ANK3: variants seen among roughly 807,000 people sequenced by gnomAD.
The protein encoded by ANK3 is ankyrin 3.
ANK3 carries 57 observed loss-of-function variants against 370.9 expected under a neutral mutation model. The observed-to-expected ratio is 0.15, with a 90% CI of 0.12 to 0.19. The LOEUF (loss-of-function observed/expected upper bound fraction) is 0.19, where lower values mean the gene tolerates loss of function less well. ANK3 is among the 10% of genes least tolerant of loss of function. The pLI, the probability that ANK3 is intolerant of heterozygous loss-of-function variation, is 1.00. For synonymous variants in ANK3, 1,929 were observed against 1,946.3 expected, an observed-to-expected ratio of 0.99 and a Z score of 0.23; for missense variants, 4,439 against 5,302.1, an observed-to-expected ratio of 0.84 and a Z score of 5.06.
chr10:60,627,108 A>G (rs1327093841), intron 1 of ANK3, among the ~76,000 whole-genome samples: 1 of 152,186 alleles, frequency 6.6e-6, no homozygotes, highest in Non-Finnish European at 1.5e-5. Flanking sequence ...TAAAAGGTTC[A>G]TTCAATCCAG....
intron 2 of ANK3, among the ~76,000 whole-genome samples, chr10:60,535,090 CT>C (rs2076693044): frequency 6.6e-6 from 1 of 152,152 alleles, no homozygotes; most frequent in South Asian, 2.1e-4. Flanking sequence ...ACATGTTTTT[CT>C]TTTTGTGAAA....
intron 2 of ANK3, among the ~76,000 whole-genome samples, chr10:60,597,969 T>A (rs1042889728): frequency 6.6e-6 from 1 of 152,196 alleles, no homozygotes; most frequent in African/African-American, 2.4e-5. Context: ...ATAAAATAGC[T>A]CTAATACTTT....
chr10:60,423,873 C>T (rs10430491), intron 2 of ANK3, among the ~76,000 whole-genome samples: 1 of 152,178 alleles, frequency 6.6e-6, no homozygotes, highest in East Asian at 1.9e-4. Context: ...ACGCTGGTTG[C>T]AAACAACTCT....
intron 8 of ANK3, among the ~76,000 whole-genome samples, chr10:60,231,822 T>C (rs1448849743): frequency 1.3e-5 from 2 of 152,108 alleles, no homozygotes; most frequent in Non-Finnish European, 2.9e-5. Flanking sequence ...CAGAAGAAAA[T>C]GTCAGGCTTT....
intron 2 of ANK3, among the ~76,000 whole-genome samples, chr10:60,555,478 A>C (rs974309563): frequency 4.6e-5 from 7 of 151,972 alleles, no homozygotes; most frequent in Non-Finnish European, 1.0e-4. Context: ...GTCTCCAAAA[A>C]TTAAAAATGA....
chr10:60,426,331 T>C (rs2063886645), intron 2 of ANK3, among the ~76,000 whole-genome samples: 1 of 152,124 alleles, frequency 6.6e-6, no homozygotes. Context: ...AGCTGCCATG[T>C]CCCTAAATTT....
chr10:60,427,281 G>A (rs960904922), intron 2 of ANK3, among the ~76,000 whole-genome samples: 22 of 152,116 alleles, frequency 1.4e-4, no homozygotes, highest in African/African-American at 5.1e-4. Flanking sequence ...GGTACTGAGA[G>A]AAAGAGAAAG....
chr10:60,039,298 G>A (rs2075690428), intron 43 of ANK3, among the ~76,000 whole-genome samples: 6 of 152,324 alleles, frequency 3.9e-5, no homozygotes, highest in Admixed American at 3.3e-4. Context: ...TTTTCCTAGA[G>A]GAGGTTTAGA....
At chr10:60,383,250 C>G (rs958176110) in intron 1 of ANK3, among the ~76,000 whole-genome samples, 5 of 152,166 alleles carry the variant, frequency 3.3e-5, no homozygotes, top group African/African-American at 1.2e-4. Flanking sequence ...GTTCATTTGT[C>G]TGTACATTCT....
chr10:60,250,645 A>C (rs10994282), intron 7 of ANK3, among the ~76,000 whole-genome samples: 1 of 152,182 alleles, frequency 6.6e-6, no homozygotes, highest in East Asian at 1.9e-4. Context: ...GATTACGGGC[A>C]TGAGCCACCG....
At chr10:60,352,261 A>T (rs954241508) in intron 1 of ANK3, among the ~76,000 whole-genome samples, 104 of 152,240 alleles carry the variant, frequency 6.8e-4, no homozygotes, top group African/African-American at 2.4e-3. Flanking sequence ...ACGCCACTGT[A>T]CTCCATCCAG....
intron 2 of ANK3, among the ~76,000 whole-genome samples, chr10:60,422,254 G>A (rs1567027310): frequency 6.6e-6 from 1 of 152,088 alleles, no homozygotes; most frequent in Non-Finnish European, 1.5e-5. Flanking sequence ...AAAGCCACAA[G>A]GAACAAAAAT....
chr10:60,172,638 GAAACCAACACAATTTTTTTT>G (rs2095823113), intron 20 of ANK3, among the ~76,000 whole-genome samples: 2 of 152,170 alleles, frequency 1.3e-5, no homozygotes, highest in Admixed American at 1.3e-4. Context: ...AGCAATCAAT[GAAACCAACACAATTTTTTTT>G]TCTTACATGT....
chr10:60,303,700 A>G (rs1458797047), intron 1 of ANK3, among the ~76,000 whole-genome samples: 1 of 152,188 alleles, frequency 6.6e-6, no homozygotes, highest in Non-Finnish European at 1.5e-5. Context: ...AAAAATTAAA[A>G]ACAGAACTAC....
chr10:60,266,099 C>A (rs1314408941), intron 5 of ANK3, among the ~76,000 whole-genome samples: 1 of 152,076 alleles, frequency 6.6e-6, no homozygotes, highest in South Asian at 2.1e-4. Context: ...ACCAAAACAA[C>A]TAGAAGGTTA....
intron 1 of ANK3, among the ~76,000 whole-genome samples, chr10:60,697,390 T>A (rs2133412529): frequency 6.6e-6 from 1 of 151,100 alleles, no homozygotes; most frequent in East Asian, 2.0e-4. Flanking sequence ...CTTCACAGAA[T>A]TGGAAAAAAC....
In ANK3 at chr10:60,721,246, G is replaced by T. The variant is rs548499992; in HGVS notation, c.57+12017C>A. ...AAGACCATGAAAGTTGCCCAGAAGA[G>T]GAGTACTTGAGCTTGTCTTGAAGGA... On this transcript the variant is annotated intron_variant, in intron 1 of 43. Coordinates refer to the ANK3 transcript ENST00000373827. Among the ~76,000 whole-genome samples, 310 of 152,284 alleles carry T rather than the reference G, an allele frequency of 2.0e-3. 1 individual carries two copies. The highest frequency in any genetic ancestry group is 3.7e-3 in the Non-Finnish European group (254 of 68,026).
At chr10:60,648,158 C>CTCT (rs2078736000) in intron 1 of ANK3, among the ~76,000 whole-genome samples, 1 of 101,582 alleles carries the variant, frequency 9.8e-6, no homozygotes, top group African/African-American at 3.9e-5. Flanking sequence ...TTTTTTTTTC[C>CTCT]TTTTTTTTTT....
At chr10:60,133,686 C>T (rs192327762) in intron 25 of ANK3, among the ~76,000 whole-genome samples, 331 of 152,198 alleles carry the variant, frequency 2.2e-3, no homozygotes, top group Non-Finnish European at 3.4e-3. Context: ...TTTGGGAGGC[C>T]GAGGCAGGTG....
Sources: gnomAD v4.1 joint callset for allele counts (sites outside exome capture counted in the v4.1 genomes callset) on GRCh38, gnomAD v4.1.1 for gene constraint, MANE v1.5 for transcripts, NCBI Gene and HGNC (gene_info 2026-07-23, HGNC 2026-07-21) for gene names.